Variants in CCDC68 observed in about 807,000 individuals in gnomAD.
CCDC68 encodes coiled-coil domain containing 68, also known as coiled-coil domain-containing protein 68.
A neutral mutation model predicts 47.1 loss-of-function variants in CCDC68; 45 were observed. The observed-to-expected ratio is 0.96, with a 90% CI of 0.75 to 1.23. CCDC68 has a LOEUF of 1.23. Ranked by LOEUF, CCDC68 falls within the 50% of genes most tolerant of loss-of-function variation. The pLI is 0.00. For missense variants in CCDC68, 353 were observed against 373.6 expected, an observed-to-expected ratio of 0.94 and a Z score of 0.45; for synonymous variants, 131 against 129.5, an observed-to-expected ratio of 1.01 and a Z score of -0.08.
Position 54,919,273 on chromosome 18 carries a change from C to G in CCDC68, c.787G>C (p.Glu263Gln). The G allele has an allele frequency of 6.2e-7, 1 of 1,611,216 alleles. No homozygotes were observed. The highest frequency in any genetic ancestry group is 8.5e-7 in the Non-Finnish European group (1 of 1,177,408). Reference sequence around the variant, plus strand: ...TAAATACACTTGATTAATCTGACCTCCTGGATGACACTGCGCAGGTTCTGA... The same window carrying G: ...TAAATACACTTGATTAATCTGACCTGCTGGATGACACTGCGCAGGTTCTGA... ...QHQNLRSVIQ[E>Q]MEGLKNNLKE... The change falls in exon 9 of 12, where the codon GAG becomes CAG. Residue 263 changes from glutamate to glutamine, a missense_variant and splice_region_variant. Coordinates refer to ENST00000591504, the MANE Select transcript of CCDC68 (RefSeq NM_025214.3).
At chr18:54,919,930 G>C (rs921559966) in intron 8 of CCDC68, among the ~76,000 whole-genome samples, 7 of 151,572 alleles carry the variant, frequency 4.6e-5, no homozygotes, top group African/African-American at 1.5e-4. Context: ...ATAGGGAAAC[G>C]GGGGGAAAAA....
chr18:54,915,797 T>C (rs1204890189), intron 10 of CCDC68, among the ~76,000 whole-genome samples: 2 of 151,948 alleles, frequency 1.3e-5, no homozygotes, highest in African/African-American at 4.8e-5. Context: ...AGTGACATGG[T>C]GTGCGCCTGT....
chr18:54,926,673 G>T (rs1004163450), intron 8 of CCDC68, among the ~76,000 whole-genome samples: 2 of 152,226 alleles, frequency 1.3e-5, no homozygotes, highest in African/African-American at 4.8e-5. Context: ...TCGTCACTCA[G>T]AGGAATGAAG....
intron 7 of CCDC68, among the ~76,000 whole-genome samples, chr18:54,929,989 C>A (rs962361082): frequency 6.6e-6 from 1 of 151,980 alleles, no homozygotes; most frequent in African/African-American, 2.4e-5. Context: ...TCCCTGTGTT[C>A]GCTTTTATTA....
At chr18:54,915,124 C>A (rs926587269) in intron 10 of CCDC68, among the ~76,000 whole-genome samples, 2 of 152,200 alleles carry the variant, frequency 1.3e-5, no homozygotes, top group African/African-American at 4.8e-5. Context: ...TCTAAAACAA[C>A]CTCTCCAATT....
intron 5 of CCDC68, chr18:54,937,253 GCT>G: frequency 3.6e-6 from 1 of 275,146 alleles, no homozygotes; most frequent in Non-Finnish European, 6.9e-6. Context: ...ACTCCATGGT[GCT>G]CTGTCAGCTT....
rs1414929036 is a variant in CCDC68 at position 54,901,556 on chromosome 18, A to G, written c.*2802T>C. 6.6e-6 allele frequency: 1 copy of G among 152,192 alleles called. No homozygotes were observed. The highest frequency in any genetic ancestry group is 1.5e-5 in the Non-Finnish European group (1 of 68,022). 9.4% of individuals were successfully genotyped at this position (152,192 alleles called of 1,614,324 possible). A position where few individuals can be genotyped will look rare whatever the true frequency, so the allele number is the denominator to read the frequency against. ...ATAAAAAGAAAACCAAACAATTCAC[A>G]CAATGTAGCATCAATTTTCTTTATG... On this transcript the variant is annotated 3_prime_UTR_variant, in exon 12 of 12. Coordinates refer to ENST00000591504, the MANE Select transcript of CCDC68 (RefSeq NM_025214.3).
In CCDC68 at chr18:54,939,444, T is replaced by C. The variant is rs1050617260; in HGVS notation, c.205-1347A>G. On this transcript the variant is annotated intron_variant, in intron 4 of 11. Coordinates refer to ENST00000591504, the MANE Select transcript of CCDC68 (RefSeq NM_025214.3). ...GAATCAGGAGGTCTGGGGTAGAGCC[T>C]AGATGCGGCCTTTCTAACAAGCTCC... Among the ~76,000 whole-genome samples, 7 of 152,076 alleles carry C rather than the reference T, an allele frequency of 4.6e-5. 1 individual carries two copies. Among genetic ancestry groups the C allele is most frequent in the Non-Finnish European group, 4.4e-5 (3 of 68,018 alleles).
chr18:54,932,710 A>G (rs2044284344), intron 7 of CCDC68, among the ~76,000 whole-genome samples: 1 of 152,224 alleles, frequency 6.6e-6, no homozygotes, highest in Non-Finnish European at 1.5e-5. Flanking sequence ...TTATCAGGGC[A>G]GGAGATAGGC....
At chr18:54,952,200 G>C (rs914112552) in intron 1 of CCDC68, among the ~76,000 whole-genome samples, 2 of 152,166 alleles carry the variant, frequency 1.3e-5, no homozygotes, top group Admixed American at 1.3e-4. Context: ...CAACCCAAAA[G>C]CTGAGTAACA....
chr18:54,951,119 A>G (rs375804844), intron 1 of CCDC68, among the ~76,000 whole-genome samples: 121 of 151,258 alleles, frequency 8.0e-4, no homozygotes, highest in African/African-American at 2.8e-3. Context: ...CGTGTTAGCC[A>G]GGATGGTCTC....
At chr18:54,931,218 G>A (rs1016405801) in intron 7 of CCDC68, among the ~76,000 whole-genome samples, 6 of 152,182 alleles carry the variant, frequency 3.9e-5, no homozygotes, top group African/African-American at 1.4e-4. Flanking sequence ...CCCTTGGCCA[G>A]GCTCTGCCAT....
intron 8 of CCDC68, among the ~76,000 whole-genome samples, chr18:54,925,962 T>G (rs1408437307): frequency 6.6e-6 from 1 of 152,188 alleles, no homozygotes; most frequent in African/African-American, 2.4e-5. Context: ...AAATTCTTCT[T>G]TATTATTATT....
intron 1 of CCDC68, among the ~76,000 whole-genome samples, chr18:54,950,905 T>A (rs2044606040): frequency 3.5e-5 from 2 of 56,888 alleles, no homozygotes; most frequent in Non-Finnish European, 7.7e-5. Context: ...GTCTTTTTTT[T>A]TTTTTTTTTT....
chr18:54,942,858 A>G, intron 2 of CCDC68, 55 bp from the exon 3 acceptor site: 1 of 940,678 alleles, frequency 1.1e-6, no homozygotes, highest in South Asian at 1.4e-5. Context: ...TTGTATGATT[A>G]TATGGTTCAT....
In CCDC68 at chr18:54,930,812, A is replaced by T. The variant is rs140765887; in HGVS notation, c.601-1930T>A. ...TGGCTCACTGCAACCTCCGCCTCCC[A>T]GGTTCAAGCGATTCTCCTGCCTCAG... On this transcript the variant is annotated intron_variant, in intron 7 of 11. Coordinates refer to ENST00000591504, the MANE Select transcript of CCDC68 (RefSeq NM_025214.3). Among the ~76,000 whole-genome samples, 1,407 of 150,096 alleles carry T rather than the reference A, an allele frequency of 9.4e-3. 21 individuals carry two copies. Among genetic ancestry groups the T allele is most frequent in the African/African-American group, 0.033 (1,338 of 40,682 alleles).
chr18:54,922,987 C>CAAAAAAAAA (rs1183607769), intron 8 of CCDC68, among the ~76,000 whole-genome samples: 1 of 40,026 alleles, frequency 2.5e-5, no homozygotes, highest in African/African-American at 8.2e-5. Context: ...GACTCCGTCT[C>CAAAAAAAAA]AAAAAAAAAA....
intron 3 of CCDC68, among the ~76,000 whole-genome samples, chr18:54,942,386 T>C (rs1198566700): frequency 1.3e-5 from 2 of 152,126 alleles, no homozygotes; most frequent in South Asian, 2.1e-4. Context: ...CAGTGGTGAA[T>C]AGTGAGGGAC....
Position 54,904,057 on chromosome 18 carries a change from A to C in CCDC68, c.*301T>G, listed in dbSNP as rs1432147794. The C allele has an allele frequency of 1.9e-5, 5 of 260,142 alleles. No homozygotes were observed. Among genetic ancestry groups the C allele is most frequent in the African/African-American group, 1.2e-4 (5 of 42,688 alleles). The allele number at this position is 260,142 out of a possible 1,614,324, so 16.1% of individuals were successfully genotyped here. On this transcript the variant is annotated 3_prime_UTR_variant, in exon 12 of 12. Transcript: ENST00000591504. ...GACAATCTTAAAACAATCCCAGTAG[A>C]AAAAAAAATCTGAAAACAAGATTCA... is the stretch of plus-strand genomic sequence containing the variant.
Sources: allele counts gnomAD v4.1 joint callset (sites outside exome capture counted in the v4.1 genomes callset), GRCh38; gene constraint gnomAD v4.1.1; transcripts MANE v1.5; gene names NCBI Gene and HGNC (gene_info 2026-07-23, HGNC 2026-07-21).